VAV3: variants seen among roughly 807,000 people sequenced by gnomAD.
VAV3 encodes the protein guanine nucleotide exchange factor VAV3.
A neutral mutation model predicts 131.2 loss-of-function variants in VAV3; 94 were observed. The ratio of observed to expected loss-of-function variants is 0.72; its 90% confidence interval spans 0.61 to 0.85. The LOEUF (loss-of-function observed/expected upper bound fraction) is 0.85. VAV3 is among the 40% of genes least tolerant of loss of function. The probability of loss-of-function intolerance (pLI) is 0.00; values close to 1 mark genes in which losing one functional copy is unlikely to be tolerated. For missense variants in VAV3, 939 were observed against 1,002.7 expected (o/e 0.94, Z 0.86); for synonymous variants, 349 against 342.0 (o/e 1.02, Z -0.22).
intron 19 of VAV3, among the ~76,000 whole-genome samples, chr1:107,660,323 TA>T (rs1264634966): frequency 6.6e-6 from 1 of 152,220 alleles, no homozygotes; most frequent in Non-Finnish European, 1.5e-5. Flanking sequence ...GCTACACAGT[TA>T]TATAATTGTT....
chr1:107,611,608 A>AC (rs201642537), intron 21 of VAV3, among the ~76,000 whole-genome samples: 18 of 141,882 alleles, frequency 1.3e-4, no homozygotes, highest in African/African-American at 4.7e-4. Flanking sequence ...AAAAAAAAAA[A>AC]CAAACAAACA....
chr1:107,843,696 A>G (rs1016017050), intron 2 of VAV3, among the ~76,000 whole-genome samples: 1 of 152,106 alleles, frequency 6.6e-6, no homozygotes, highest in East Asian at 1.9e-4. Flanking sequence ...CACTGTCTGC[A>G]CCAAGTTTTT....
At chr1:107,835,248 C>G (rs900590635) in intron 2 of VAV3, among the ~76,000 whole-genome samples, 2 of 152,184 alleles carry the variant, frequency 1.3e-5, no homozygotes, top group African/African-American at 2.4e-5. Flanking sequence ...AGCCTCAGTG[C>G]CTTGCCATGG....
chr1:107,641,954 C>T lies in VAV3; in HGVS notation c.1914+665G>A, dbSNP rs916311846. 7.9e-5 allele frequency among the ~76,000 whole-genome samples: 12 copies of T among 152,094 alleles called. 1 individual carries two copies. On this transcript the variant is annotated intron_variant, in intron 20 of 26. Transcript: ENST00000370056. Reference sequence around the variant, plus strand: ...AAAAAAGGTTAATAAAAAATATTTTCCGCATATCATGTAAAGTTTCTGAAG... The same window carrying T: ...AAAAAAGGTTAATAAAAAATATTTTTCGCATATCATGTAAAGTTTCTGAAG...
intron 1 of VAV3, among the ~76,000 whole-genome samples, chr1:107,885,862 A>G (rs541388543): frequency 1.3e-5 from 2 of 152,272 alleles, no homozygotes; most frequent in African/African-American, 4.8e-5. Context: ...GTCCCAAACT[A>G]GGGAGCTGGG....
chr1:107,664,911 C>T (rs2101642894), intron 19 of VAV3, among the ~76,000 whole-genome samples: 1 of 152,282 alleles, frequency 6.6e-6, no homozygotes. Context: ...AAGAGCATGA[C>T]CCAAGGTATA....
intron 20 of VAV3, among the ~76,000 whole-genome samples, chr1:107,640,595 G>A (rs4271239): frequency 0.37 from 55,849 of 152,020 alleles, 10,712 homozygotes; most frequent in East Asian, 0.48. Context: ...ATGTATGTAC[G>A]TATGTGTGTG....
chr1:107,848,312 C>CA (rs34249858), intron 2 of VAV3, among the ~76,000 whole-genome samples: 34,932 of 91,884 alleles, frequency 0.38, 5,787 homozygotes, highest in Non-Finnish European at 0.45. Flanking sequence ...GACTCCGTCT[C>CA]AAAAAAAAAA....
At chr1:107,954,593 T>C (rs1477759671) in intron 1 of VAV3, among the ~76,000 whole-genome samples, 1 of 149,904 alleles carries the variant, frequency 6.7e-6, no homozygotes, top group South Asian at 2.1e-4. Context: ...TGGAGTGCAG[T>C]GGCATGATCT....
chr1:107,772,070 A>G (rs1665081408), intron 5 of VAV3, among the ~76,000 whole-genome samples: 1 of 152,238 alleles, frequency 6.6e-6, no homozygotes, highest in African/African-American at 2.4e-5. Context: ...GGTAAAGAAA[A>G]GTCTTTAATA....
intron 15 of VAV3, among the ~76,000 whole-genome samples, chr1:107,736,054 T>C (rs1189112799): frequency 2.6e-5 from 4 of 152,090 alleles, no homozygotes; most frequent in Non-Finnish European, 5.9e-5. Context: ...TGGTTCAACA[T>C]ATGCAAATGA....
intron 19 of VAV3, among the ~76,000 whole-genome samples, chr1:107,676,402 T>C (rs778887777): frequency 6.6e-6 from 1 of 152,162 alleles, no homozygotes; most frequent in Non-Finnish European, 1.5e-5. Context: ...ACAATGTACA[T>C]GAAGAGCTGC....
chr1:107,911,553 G>T (rs1672367854), intron 1 of VAV3, among the ~76,000 whole-genome samples: 1 of 152,078 alleles, frequency 6.6e-6, no homozygotes, highest in African/African-American at 2.4e-5. Context: ...GAATAATTAA[G>T]ACAGATAAAT....
At chr1:107,804,354 C>T (rs1666962925) in intron 2 of VAV3, among the ~76,000 whole-genome samples, 1 of 151,992 alleles carries the variant, frequency 6.6e-6, no homozygotes, top group African/African-American at 2.4e-5. Context: ...AAGTGACTTC[C>T]TCTGGTAACA....
At chr1:107,758,084 G>A (rs1664215237) in intron 10 of VAV3, among the ~76,000 whole-genome samples, 1 of 151,984 alleles carries the variant, frequency 6.6e-6, no homozygotes, top group South Asian at 2.1e-4. Context: ...CCTATTCTTG[G>A]ATCCTATTTC....
chr1:107,852,958 G>T (rs1419235720), intron 2 of VAV3, among the ~76,000 whole-genome samples: 4 of 151,366 alleles, frequency 2.6e-5, no homozygotes, highest in African/African-American at 9.7e-5. Flanking sequence ...GGAAAGAAAA[G>T]ATTTGCCTAT....
intron 2 of VAV3, among the ~76,000 whole-genome samples, chr1:107,812,496 A>T (rs1667359146): frequency 6.6e-6 from 1 of 152,188 alleles, no homozygotes; most frequent in East Asian, 1.9e-4. Flanking sequence ...GCACCTACTC[A>T]ATACTAGATG....
At chr1:107,836,783 C>A (rs1668496381) in intron 2 of VAV3, among the ~76,000 whole-genome samples, 2 of 152,098 alleles carry the variant, frequency 1.3e-5, no homozygotes, top group African/African-American at 2.4e-5. Context: ...ATTATGAATA[C>A]CTCTATGCAT....
intron 20 of VAV3, among the ~76,000 whole-genome samples, chr1:107,617,972 GGGTGCTGGGGGCGTGGCAGGT>G (rs950188749): frequency 6.6e-6 from 1 of 152,126 alleles, no homozygotes; most frequent in African/African-American, 2.4e-5. Context: ...GAGGTGAGGT[GGGTGCTGGGGGCGTGGCAGGT>G]GGTTTCGGGA....
Sources: gnomAD v4.1 joint callset for allele counts (sites outside exome capture counted in the v4.1 genomes callset) on GRCh38, gnomAD v4.1.1 for gene constraint, MANE v1.5 for transcripts, NCBI Gene and HGNC (gene_info 2026-07-23, HGNC 2026-07-21) for gene names.